The following TELO2 variants were observed in gnomAD, a reference collection of about 807,000 sequenced individuals.
TELO2 encodes the protein telomere length regulation protein TEL2 homolog.
TELO2 carries 71 observed loss-of-function variants against 91.0 expected under a neutral mutation model. The observed-to-expected ratio is 0.78, with a 90% CI of 0.64 to 0.95. The LOEUF (loss-of-function observed/expected upper bound fraction) is 0.95, where lower values mean the gene tolerates loss of function less well. TELO2 is among the 40% of genes least tolerant of loss of function. The pLI, the probability that TELO2 is intolerant of heterozygous loss-of-function variation, is 0.00. For synonymous variants in TELO2, 584 were observed against 518.9 expected (o/e 1.13, Z -1.71); for missense variants, 1,183 against 1,141.3 (o/e 1.04, Z -0.53).
In TELO2 at chr16:1,493,426, C is replaced by T. The variant is rs1179730108; in HGVS notation, c.-216C>T. On this transcript the variant is annotated 5_prime_UTR_variant, in exon 1 of 21. Coordinates refer to ENST00000262319, the MANE Select transcript of TELO2 (RefSeq NM_016111.4). The surrounding 1 kb of genome is among the most constrained non-coding windows in gnomAD (Gnocchi z 4.3). ...CTGAGAGGCCCGCGGAGACCCGCCC[C>T]AGAGGCTCAAGAAAACCCGCGGGAG... The T allele has an allele frequency of 6.6e-6, 1 of 152,270 alleles. No homozygotes were observed. Among genetic ancestry groups the T allele is most frequent in the South Asian group, 2.1e-4 (1 of 4,840 alleles). 9.4% of individuals were successfully genotyped at this position (152,270 alleles called of 1,614,324 possible). A position where few individuals can be genotyped will look rare whatever the true frequency, so the allele number is the denominator to read the frequency against.
intron 13 of TELO2, 68 bp from the exon 14 acceptor site, chr16:1,502,577 G>A: frequency 6.4e-7 from 1 of 1,567,836 alleles, no homozygotes; most frequent in African/African-American, 1.3e-5. Flanking sequence ...CCGGCCCTGT[G>A]AGCCTCGGTG....
chr16:1,495,250 G>A (rs947043267), intron 2 of TELO2, 96 bp from the exon 3 acceptor site: 13 of 1,448,098 alleles, frequency 9.0e-6, no homozygotes, highest in Admixed American at 2.5e-5. Flanking sequence ...TGTTGTTGGG[G>A]CTGCCCGTGT....
At chr16:1,508,711 C>T (rs2039999507) in intron 20 of TELO2, among the ~76,000 whole-genome samples, 1 of 152,212 alleles carries the variant, frequency 6.6e-6, no homozygotes, top group South Asian at 2.1e-4. Flanking sequence ...TGCCAGCCTG[C>T]TGGGTGTGAA....
Position 1,499,318 on chromosome 16 carries a change from A to G in TELO2, c.918A>G (p.Leu306=), listed in dbSNP as rs370808477. 8.7e-6 allele frequency: 14 copies of G among 1,609,532 alleles called. No homozygotes were observed. In the African/African-American group the frequency reaches 1.8e-4, roughly 21 times the overall value. ...QFVMTQKLLF[L]QSRLTTPMLQ... is the part of the protein sequence containing the mutation. ...TGATGACCCAGAAGCTTCTGTTCTT[A>G]CAGTCCCGGCTCACGGTGAGGACGC... The change falls in exon 6 of 21, where the codon TTA becomes TTG. Residue 306 remains leucine (L), a synonymous_variant. Coordinates refer to ENST00000262319, the MANE Select transcript of TELO2 (RefSeq NM_016111.4).
intron 2 of TELO2, 61 bp from the exon 3 acceptor site, chr16:1,495,285 G>A: frequency 5.4e-6 from 8 of 1,486,800 alleles, no homozygotes; most frequent in Non-Finnish European, 5.4e-6. Flanking sequence ...GTTCCTTGTG[G>A]CAGGAAGGGG....
chr16:1,509,892 C>T lies in TELO2; in HGVS notation c.2470C>T (p.Leu824=). 1.2e-6 allele frequency: 2 copies of T among 1,611,562 alleles called. No homozygotes were observed. The highest frequency in any genetic ancestry group is 1.7e-6 in the Non-Finnish European group (2 of 1,179,292). ...GCTGGCACTGAGGGCCCTGCTGCTTCTGCAGAGACTCAAGAACAGGCTCCT... is the reference window on the plus strand; with the variant it reads ...GCTGGCACTGAGGGCCCTGCTGCTTTTGCAGAGACTCAAGAACAGGCTCCT... The part of the protein sequence containing the change: ...RTLALRALLL[L]QRLKNRLLPP... Residue 824 remains leucine (L), a synonymous_variant, in exon 21 of 21, where the codon CTG becomes TTG. Coordinates refer to ENST00000262319, the MANE Select transcript of TELO2 (RefSeq NM_016111.4).
chr16:1,503,072 T>G, intron 15 of TELO2, 70 bp downstream of exon 15: 1 of 1,555,376 alleles, frequency 6.4e-7, no homozygotes, highest in Admixed American at 1.7e-5. Context: ...TGCCAAAACC[T>G]GGGTCTCCTT....
rs146306338 is a variant in TELO2 at position 1,498,948 on chromosome 16, C to T, written c.831-283C>T. ...GTCAAAGGAGGCCTTCGAGGGTGGACCCGCCTCCGCCCGGGCTGAGGTGCA... is the reference window on the plus strand; with the variant it reads ...GTCAAAGGAGGCCTTCGAGGGTGGATCCGCCTCCGCCCGGGCTGAGGTGCA... On this transcript the variant is annotated intron_variant, in intron 5 of 20. Coordinates refer to ENST00000262319, the MANE Select transcript of TELO2 (RefSeq NM_016111.4). Among the ~76,000 whole-genome samples the T allele has an allele frequency of 9.2e-3, 1,399 of 152,182 alleles. 8 individuals carry two copies. The highest frequency in any genetic ancestry group is 0.014 in the Non-Finnish European group (941 of 68,006).
In TELO2 at chr16:1,505,069, G is replaced by C; in HGVS notation, c.1843-341G>C. On this transcript the variant is annotated intron_variant, in intron 15 of 20. Coordinates refer to ENST00000262319, the MANE Select transcript of TELO2 (RefSeq NM_016111.4). This position sits in a 1 kb window ranked among gnomAD's most constrained non-coding sequence, Gnocchi z 4.3. ...TCTGAGGTCCCCCCGCCCGTGGCAC[G>C]TGCCGCTGCAGCGTTGCTTTTGCTG... is the stretch of plus-strand genomic sequence containing the variant. The C allele has an allele frequency of 4.0e-6, 1 of 247,172 alleles. No homozygotes were observed. The highest frequency in any genetic ancestry group is 4.9e-5 in the Admixed American group (1 of 20,416). 15.3% of individuals were successfully genotyped at this position (247,172 alleles called of 1,614,324 possible).
chr16:1,494,711 G>A lies in TELO2; in HGVS notation c.335+95G>A. ...GACCAAGAGCCTCTCTAGTCCCTGTGAGGGGCTAGAGAGAGAGCCTGCTCC... is the reference window on the plus strand; with the variant it reads ...GACCAAGAGCCTCTCTAGTCCCTGTAAGGGGCTAGAGAGAGAGCCTGCTCC... On this transcript the variant is annotated intron_variant, in intron 2 of 20. Coordinates refer to ENST00000262319, the MANE Select transcript of TELO2 (RefSeq NM_016111.4). The surrounding 1 kb of genome is among the most constrained non-coding windows in gnomAD (Gnocchi z 5.6). 2 of 1,260,828 alleles carry A rather than the reference G, an allele frequency of 1.6e-6. No individual in the cohort carries two copies. Among genetic ancestry groups the A allele is most frequent in the African/African-American group, 1.5e-5 (1 of 66,460 alleles). The allele number at this position is 1,260,828 out of a possible 1,614,324, so 78.1% of individuals were successfully genotyped here.
intron 18 of TELO2, 106 bp downstream of exon 18, chr16:1,507,157 C>A: frequency 6.7e-7 from 1 of 1,487,612 alleles, no homozygotes; most frequent in Non-Finnish European, 9.0e-7. Flanking sequence ...GAGGGGCTGC[C>A]TGTGTGGGCC....
In TELO2 at chr16:1,497,431, C is replaced by G; in HGVS notation, c.753C>G (p.Val251=). 1 of 1,561,240 alleles carries G rather than the reference C, an allele frequency of 6.4e-7. No homozygotes were observed. Among genetic ancestry groups the G allele is most frequent in the Non-Finnish European group, 8.7e-7 (1 of 1,153,674 alleles). ...AGGGCAGCTACCTGCACCAGCGCGT[C>G]TGCTGGCGCCTGGTGGAGCAAGTGC... ...LTQGSYLHQR[V]CWRLVEQVPD... The change falls in exon 5 of 21, where the codon GTC becomes GTG. Residue 251 remains valine, a synonymous_variant. Transcript: ENST00000262319. The surrounding 1 kb of genome is among the most constrained non-coding windows in gnomAD (Gnocchi z 4.0).
rs771221412 is a variant in TELO2, at chr16:1,507,681, T to C, written c.2372T>C (p.Met791Thr). 1 of 1,604,194 alleles carries C rather than the reference T, an allele frequency of 6.2e-7. No individual in the cohort carries two copies. The highest frequency in any genetic ancestry group is 1.1e-5 in the South Asian group (1 of 90,824). ...GCTGCGCGCCTGCTGGAGGACCTGA[T>C]GGACGAGCTGCTGGAAGCCCGGTCC... is the stretch of plus-strand genomic sequence containing the variant. The part of the protein sequence containing the change: ...LPAARLLEDL[M>T]DELLEARSWL... Residue 791 changes from methionine to threonine, a missense_variant, in exon 20 of 21, where the codon ATG becomes ACG. Coordinates refer to ENST00000262319, the MANE Select transcript of TELO2 (RefSeq NM_016111.4).
Position 1,502,072 on chromosome 16 carries a change from A to T in TELO2, c.1498A>T (p.Met500Leu). 3.7e-6 allele frequency: 6 copies of T among 1,613,286 alleles called. No individual in the cohort carries two copies. The highest frequency in any genetic ancestry group is 5.1e-6 in the Non-Finnish European group (6 of 1,179,976). The change falls in exon 12 of 21, where the codon ATG (methionine) becomes TTG (leucine). Residue 500 changes from methionine (M) to leucine (L), a missense_variant. Coordinates refer to ENST00000262319, the MANE Select transcript of TELO2 (RefSeq NM_016111.4). ...CGATGATGAGTTTGTCCCCTACGAC[A>T]TGTCGGGGGACAGAGAGCTGAAGAG... The part of the protein sequence containing the change: ...DSDDEFVPYD[M>L]SGDRELKSSK...
In TELO2 at chr16:1,507,787, TGTGTGA is replaced by T. The variant is rs1157461646; in HGVS notation, c.2407+73_2407+78del. On this transcript the variant is annotated intron_variant, in intron 20 of 20. Coordinates refer to ENST00000262319, the MANE Select transcript of TELO2 (RefSeq NM_016111.4). ...GGGTGTGTGTGTATGTGTGTGTGTG[TGTGTGA>T]GAGATGTGTCGGCCCGGGGTGTGTG... The T allele has an allele frequency of 3.9e-4, 500 of 1,272,516 alleles. 10 individuals are homozygous for T. Among genetic ancestry groups the T allele is most frequent in the South Asian group, 7.2e-4 (53 of 73,990 alleles). The allele number at this position is 1,272,516 out of a possible 1,614,324, so 78.8% of individuals were successfully genotyped here. A position where few individuals can be genotyped will look rare whatever the true frequency, so the allele number is the denominator to read the frequency against.
chr16:1,496,044 G>A lies in TELO2; in HGVS notation c.613+421G>A, dbSNP rs541236377. ...TGGGGCGCCAGATGGCGGCTGCCGC[G>A]AGTGTGCGTTTCACTAGCGAGAAGG... is the stretch of plus-strand genomic sequence containing the variant. On this transcript the variant is annotated intron_variant, in intron 3 of 20. Transcript: ENST00000262319. Among the ~76,000 whole-genome samples the A allele has an allele frequency of 2.0e-5, 3 of 152,362 alleles. No homozygotes were observed. In the East Asian group the frequency reaches 5.8e-4, roughly 29 times the overall value.
intron 18 of TELO2, 88 bp downstream of exon 18, chr16:1,507,139 GT>G (rs1749429897): frequency 6.6e-7 from 1 of 1,505,826 alleles, no homozygotes; most frequent in East Asian, 2.4e-5. Flanking sequence ...AGGGATGGGT[GT>G]CTGAGGGAGG....
In TELO2 at chr16:1,507,034, C is replaced by G. The variant is rs939292468; in HGVS notation, c.2209C>G (p.Leu737Val). 5.3e-5 allele frequency: 86 copies of G among 1,610,006 alleles called. No homozygotes were observed. Among genetic ancestry groups the G allele is most frequent in the Non-Finnish European group, 7.1e-5 (84 of 1,178,386 alleles). The change falls in exon 18 of 21, where the codon CTG becomes GTG. Residue 737 changes from leucine (L) to valine (V), a missense_variant. By Grantham distance (32) the Leu-to-Val change is conservative (BLOSUM62 1). Transcript: ENST00000262319. ...GCACACCTTAGGGGCCCTGATGTGC[C>G]TGGCTGTTAACACCACGGTGAGCCG... is the stretch of plus-strand genomic sequence containing the variant. ...LAHTLGALMC[L>V]AVNTTVAVAM...
At position 1,497,630 on chromosome 16, in the gene TELO2, C is replaced by G; in HGVS notation, c.830+122C>G. 1 of 1,358,424 alleles carries G rather than the reference C, an allele frequency of 7.4e-7. No individual in the cohort carries two copies. The highest frequency in any genetic ancestry group is 1.5e-5 in the South Asian group (1 of 66,676). 84.1% of individuals were successfully genotyped at this position (1,358,424 alleles called of 1,614,324 possible). Reference sequence around the variant, plus strand: ...TGCAGCTGGCACCCCCATGTAGGTGCCACAGGGTGTGGGTGGTGCCCTCTC... The same window carrying G: ...TGCAGCTGGCACCCCCATGTAGGTGGCACAGGGTGTGGGTGGTGCCCTCTC... On this transcript the variant is annotated intron_variant, in intron 5 of 20. Transcript: ENST00000262319. The surrounding 1 kb of genome is among the most constrained non-coding windows in gnomAD (Gnocchi z 4.0).
Sources: allele counts gnomAD v4.1 joint callset (sites outside exome capture counted in the v4.1 genomes callset), GRCh38; gene constraint gnomAD v4.1.1; non-coding constraint Gnocchi (gnomAD v3.1); transcripts MANE v1.5; gene names NCBI Gene and HGNC (gene_info 2026-07-23, HGNC 2026-07-21).